Variants in EML4 observed in about 807,000 individuals in gnomAD.
EML4 encodes echinoderm microtubule-associated protein-like 4.
Under a neutral mutation model 129.0 loss-of-function variants are expected in EML4, and 72 were observed. The ratio of observed to expected loss-of-function variants is 0.56; its 90% confidence interval spans 0.46 to 0.68. The LOEUF (loss-of-function observed/expected upper bound fraction) is 0.68. EML4 is among the 30% of genes least tolerant of loss of function. EML4 has a pLI of 0.00. For synonymous variants in EML4, 532 were observed against 405.0 expected (o/e 1.31, Z -3.77); for missense variants, 1,363 against 1,190.6 (o/e 1.14, Z -2.13).
intron 14 of EML4, 134 bp downstream of exon 14, chr2:42,301,526 A>AAAT: frequency 1.5e-6 from 1 of 672,238 alleles, no homozygotes; most frequent in Non-Finnish European, 2.3e-6. Flanking sequence ...TCAAGAAAGG[A>AAAT]GTTTGTTGTT....
At chr2:42,286,411 C>A in intron 10 of EML4, 32 bp downstream of exon 10, 1 of 1,311,266 alleles carries the variant, frequency 7.6e-7, no homozygotes, top group Non-Finnish European at 1.1e-6. Flanking sequence ...AGTAAGCAAG[C>A]TGAACAAAAA....
intron 1 of EML4, among the ~76,000 whole-genome samples, chr2:42,230,006 C>T (rs533170336): frequency 6.6e-6 from 1 of 152,128 alleles, no homozygotes; most frequent in East Asian, 1.9e-4. Context: ...TTCTATCATG[C>T]AATTATTGGC....
At chr2:42,200,047 C>T (rs1001717133) in intron 1 of EML4, among the ~76,000 whole-genome samples, 1 of 151,370 alleles carries the variant, frequency 6.6e-6, no homozygotes, top group East Asian at 1.9e-4. Context: ...CGGTGGCTGA[C>T]GCTTGTAATC....
chr2:42,175,549 A>G (rs1251843959), intron 1 of EML4, among the ~76,000 whole-genome samples: 2 of 151,826 alleles, frequency 1.3e-5, no homozygotes, highest in African/African-American at 4.8e-5. Context: ...CCCAGGCTGG[A>G]GTACAGTGGC....
At position 42,313,610 on chromosome 2, in the gene EML4, T is replaced by C. The variant is rs1446814686; in HGVS notation, c.1968-2352T>C. Among the ~76,000 whole-genome samples, 5 of 152,118 alleles carry C rather than the reference T, an allele frequency of 3.3e-5. No individual in the cohort carries two copies. In the South Asian group the frequency reaches 8.3e-4, roughly 25 times the overall value. On this transcript the variant is annotated intron_variant, in intron 17 of 22. Transcript: ENST00000318522. ...AGGGAAATGGTCCCTTTCCCAGATA[T>C]TAGTTATAGTGCTTTAAAATGAAAA...
rs1407833800 is a variant in EML4 at position 42,224,502 on chromosome 2, G to A, written c.26-21003G>A. Among the ~76,000 whole-genome samples the A allele has an allele frequency of 3.3e-5, 5 of 152,084 alleles. No individual in the cohort carries two copies. In the South Asian group the frequency reaches 1.0e-3, roughly 31 times the overall value. ...CTTTTTGGCTCTTATGAACAATGCTGCTATAAACAGTCATGGGCAAGTTTT... is the reference window on the plus strand; with the variant it reads ...CTTTTTGGCTCTTATGAACAATGCTACTATAAACAGTCATGGGCAAGTTTT... On this transcript the variant is annotated intron_variant, in intron 1 of 22. Coordinates refer to ENST00000318522, the MANE Select transcript of EML4 (RefSeq NM_019063.5).
chr2:42,228,532 T>C (rs1041491772), intron 1 of EML4, among the ~76,000 whole-genome samples: 1 of 152,390 alleles, frequency 6.6e-6, no homozygotes, highest in African/African-American at 2.4e-5. Flanking sequence ...TGTAGTCTTA[T>C]AATTCAGAAG....
intron 11 of EML4, chr2:42,288,822 AG>A (rs2103645564): frequency 6.6e-6 from 1 of 152,460 alleles, no homozygotes; most frequent in Admixed American, 6.5e-5. Context: ...TTACAGTACA[AG>A]GGTTGATCTC....
chr2:42,330,269 G>A lies in EML4; in HGVS notation c.*62G>A. 6.9e-7 allele frequency: 1 copy of A among 1,447,974 alleles called. No homozygotes were observed. The allele number at this position is 1,447,974 out of a possible 1,614,324, so 89.7% of individuals were successfully genotyped here. A position where few individuals can be genotyped will look rare whatever the true frequency, so the allele number is the denominator to read the frequency against. ...CATGTGATTTTGTGATAAAGTTCAG[G>A]TAACAGGATGGGCAGTGATGGAGAA... is the stretch of plus-strand genomic sequence containing the variant. On this transcript the variant is annotated 3_prime_UTR_variant, in exon 23 of 23. Transcript: ENST00000318522.
intron 18 of EML4, 59 bp downstream of exon 18, chr2:42,316,109 C>A: frequency 8.6e-7 from 1 of 1,159,364 alleles, no homozygotes; most frequent in Non-Finnish European, 1.3e-6. Context: ...ACTGCAATTG[C>A]ATAGTTTTAC....
intron 6 of EML4, 62 bp from the exon 7 acceptor site, chr2:42,280,785 AATC>A (rs1218219813): frequency 1.6e-5 from 20 of 1,269,380 alleles, no homozygotes; most frequent in Admixed American, 2.3e-5. Context: ...TCACGTTAAT[AATC>A]CACTTTTGTA....
intron 1 of EML4, among the ~76,000 whole-genome samples, chr2:42,221,403 C>CTTTTTGTTTTTTTTTTTTT (rs1673585733): frequency 1.8e-5 from 2 of 108,256 alleles, no homozygotes; most frequent in African/African-American, 3.3e-5. Context: ...ACATGGTTTA[C>CTTTTTGTTTTTTTTTTTTT]TTTTTTTTTT....
intron 1 of EML4, among the ~76,000 whole-genome samples, chr2:42,193,234 A>G (rs1415684100): frequency 6.6e-6 from 1 of 152,246 alleles, no homozygotes; most frequent in Non-Finnish European, 1.5e-5. Flanking sequence ...TATACCGTAT[A>G]GCCTAGGTCT....
intron 1 of EML4, among the ~76,000 whole-genome samples, chr2:42,219,684 G>A (rs375151286): frequency 1.4e-4 from 21 of 152,080 alleles, no homozygotes; most frequent in South Asian, 1.0e-3. Flanking sequence ...TTGGGAGGCC[G>A]AGGTGGGCAG....
At chr2:42,303,994 A>G (rs1345912383) in intron 16 of EML4, among the ~76,000 whole-genome samples, 3 of 152,190 alleles carry the variant, frequency 2.0e-5, no homozygotes, top group Non-Finnish European at 4.4e-5. Context: ...TTCAGTAGTA[A>G]AATCATAAAG....
chr2:42,261,045 TA>T, intron 3 of EML4, 75 bp from the exon 4 acceptor site: 2 of 1,114,264 alleles, frequency 1.8e-6, no homozygotes, highest in Admixed American at 2.3e-5. Flanking sequence ...AATTATATAA[TA>T]ATCACTTTTC....
In EML4 at chr2:42,208,243, A is replaced by G. The variant is rs183313060; in HGVS notation, c.26-37262A>G. ...AGTGAGTATTCAGATTTTGAGATAA[A>G]TTTTCATTCTCAAACCTACTTTGAA... On this transcript the variant is annotated intron_variant, in intron 1 of 22. Coordinates refer to ENST00000318522, the MANE Select transcript of EML4 (RefSeq NM_019063.5). Among the ~76,000 whole-genome samples the G allele has an allele frequency of 7.9e-5, 12 of 152,174 alleles. No individual in the cohort carries two copies. The East Asian group carries it at 2.3e-3, about 29-fold the overall frequency.
Position 42,226,226 on chromosome 2 carries a change from A to C in EML4, c.26-19279A>C, listed in dbSNP as rs146949953. Among the ~76,000 whole-genome samples, 753 of 152,248 alleles carry C rather than the reference A, an allele frequency of 4.9e-3. 6 individuals are homozygous for C. The highest frequency in any genetic ancestry group is 7.0e-3 in the Non-Finnish European group (477 of 68,010). On this transcript the variant is annotated intron_variant, in intron 1 of 22. Coordinates refer to ENST00000318522, the MANE Select transcript of EML4 (RefSeq NM_019063.5). ...CTTAAATTCTGAGATAAAAATATAC[A>C]TACTCATGTAATTCTTAGCCATGAC...
Position 42,330,130 on chromosome 2 carries a change from C to T in EML4, c.2869C>T (p.Pro957Ser). 6.2e-7 allele frequency: 1 copy of T among 1,611,902 alleles called. No individual in the cohort carries two copies. The highest frequency in any genetic ancestry group is 8.5e-7 in the Non-Finnish European group (1 of 1,179,648). ...GDLGEPLYEE[P>S]CNEISKEQAK... ...CCTTGGTGAGCCTCTTTATGAAGAG[C>T]CATGCAACGAGATAAGCAAGGAGCA... The change falls in exon 23 of 23, where the codon CCA becomes TCA. Residue 957 changes from proline to serine, a missense_variant. Pro to Ser is a moderately conservative substitution (Grantham distance 74). Coordinates refer to ENST00000318522, the MANE Select transcript of EML4 (RefSeq NM_019063.5).
Sources: gnomAD v4.1 joint callset for allele counts (sites outside exome capture counted in the v4.1 genomes callset) on GRCh38, gnomAD v4.1.1 for gene constraint, MANE v1.5 for transcripts, NCBI Gene and HGNC (gene_info 2026-07-23, HGNC 2026-07-21) for gene names.